Variants in MAST4 observed in about 807,000 individuals in gnomAD.
MAST4 encodes microtubule associated serine/threonine kinase family member 4.
Under a neutral mutation model 162.7 loss-of-function variants are expected in MAST4, and 89 were observed. The observed-to-expected ratio is 0.55, with a 90% confidence interval of 0.46 to 0.65. The LOEUF (loss-of-function observed/expected upper bound fraction) is 0.65. Ranked by LOEUF, MAST4 falls within the 30% of genes least tolerant of loss-of-function variation. MAST4 has a pLI of 0.00. For missense variants in MAST4, 3,153 were observed against 3,374.0 expected (o/e 0.93, Z 1.62); for synonymous variants, 1,479 against 1,361.1 (o/e 1.09, Z -1.91).
chr5:66,903,393 TA>T (rs1473088198), intron 4 of MAST4, among the ~76,000 whole-genome samples: 6 of 152,138 alleles, frequency 3.9e-5, no homozygotes, highest in African/African-American at 1.4e-4. Flanking sequence ...TGTAGATTTT[TA>T]AGTAATTTGA....
chr5:66,770,068 A>G (rs957024147), intron 2 of MAST4, among the ~76,000 whole-genome samples: 3 of 152,256 alleles, frequency 2.0e-5, no homozygotes, highest in African/African-American at 7.2e-5. Flanking sequence ...TGTGTAGTTC[A>G]TCAGTAATAG....
intron 4 of MAST4, among the ~76,000 whole-genome samples, chr5:66,938,714 G>A (rs1183124758): frequency 1.3e-5 from 2 of 152,126 alleles, no homozygotes; most frequent in Non-Finnish European, 2.9e-5. Flanking sequence ...CCCTCTTGTA[G>A]AAAATAACAT....
chr5:66,647,451 T>TA (rs1745917009), intron 1 of MAST4, among the ~76,000 whole-genome samples: 2 of 151,806 alleles, frequency 1.3e-5, no homozygotes, highest in Middle Eastern at 3.2e-3. Flanking sequence ...GGGTATTGAA[T>TA]AAAAAATCAA....
intron 3 of MAST4, among the ~76,000 whole-genome samples, chr5:66,856,560 C>T (rs574639719): frequency 5.6e-4 from 86 of 152,346 alleles, no homozygotes; most frequent in Admixed American, 1.1e-3. Flanking sequence ...ATTGCCCTCA[C>T]ATGTGCCAGT....
At chr5:66,935,442 T>C (rs979131405) in intron 4 of MAST4, among the ~76,000 whole-genome samples, 1 of 152,052 alleles carries the variant, frequency 6.6e-6, no homozygotes, top group Non-Finnish European at 1.5e-5. Flanking sequence ...AATCTGACCT[T>C]TTGCCCTTTT....
intron 3 of MAST4, among the ~76,000 whole-genome samples, chr5:66,794,795 C>T (rs1010631547): frequency 1.3e-5 from 2 of 152,238 alleles, no homozygotes; most frequent in East Asian, 1.9e-4. Flanking sequence ...CTTTTGACAT[C>T]GTATACGTTT....
chr5:66,784,358 C>A (rs1561328543), intron 2 of MAST4, among the ~76,000 whole-genome samples: 3 of 152,086 alleles, frequency 2.0e-5, no homozygotes, highest in African/African-American at 7.3e-5. Context: ...TACCTATCAG[C>A]CAGCTTTATC....
chr5:66,976,896 CT>C (rs1169172796), intron 4 of MAST4, among the ~76,000 whole-genome samples: 5 of 152,114 alleles, frequency 3.3e-5, no homozygotes, highest in Non-Finnish European at 7.4e-5. Context: ...CCACTGACCC[CT>C]ATTCTCAACT....
intron 3 of MAST4, among the ~76,000 whole-genome samples, chr5:66,850,826 G>A (rs958671109): frequency 6.6e-6 from 1 of 151,706 alleles, no homozygotes; most frequent in African/African-American, 2.4e-5. Context: ...TTGCCTAACA[G>A]AAATTACTCC....
chr5:66,772,441 A>T (rs565603854), intron 2 of MAST4, among the ~76,000 whole-genome samples: 59 of 152,300 alleles, frequency 3.9e-4, no homozygotes, highest in South Asian at 1.0e-3. Context: ...GGCCAGTGAC[A>T]TCTTATTTCA....
intron 4 of MAST4, among the ~76,000 whole-genome samples, chr5:66,953,733 G>A (rs970921809): frequency 6.6e-6 from 1 of 152,110 alleles, no homozygotes; most frequent in Non-Finnish European, 1.5e-5. Flanking sequence ...GATGCCGAGG[G>A]TCCTGCAGAA....
intron 1 of MAST4, among the ~76,000 whole-genome samples, chr5:66,698,800 C>T (rs1309478608): frequency 6.6e-6 from 1 of 152,174 alleles, no homozygotes; most frequent in Middle Eastern, 3.2e-3. Context: ...TCTTCATTCC[C>T]CTAGTGTTCT....
At position 66,917,131 on chromosome 5, in the gene MAST4, C is replaced by T. The variant is rs1424031260; in HGVS notation, c.674+17149C>T. ...TTCTCACCAGCACTGGATGTCACTGCCCTTAATTCTTTCCAATCTTATTAC... is the reference window on the plus strand; with the variant it reads ...TTCTCACCAGCACTGGATGTCACTGTCCTTAATTCTTTCCAATCTTATTAC... On this transcript the variant is annotated intron_variant, in intron 4 of 28. Coordinates refer to ENST00000403625, the MANE Select transcript of MAST4 (RefSeq NM_001164664.2). 7 of 658,430 alleles carry T rather than the reference C, an allele frequency of 1.1e-5. No homozygotes were observed. In the East Asian group the frequency reaches 1.9e-4, roughly 18 times the overall value. 40.8% of individuals were successfully genotyped at this position (658,430 alleles called of 1,614,324 possible).
chr5:67,143,850 T>G (rs1770716225), intron 21 of MAST4, among the ~76,000 whole-genome samples: 1 of 152,160 alleles, frequency 6.6e-6, no homozygotes, highest in South Asian at 2.1e-4. Context: ...GGGTATTTCA[T>G]TTTCCCACCA....
chr5:66,813,944 G>A (rs1756594843), intron 3 of MAST4, among the ~76,000 whole-genome samples: 1 of 152,202 alleles, frequency 6.6e-6, no homozygotes, highest in Non-Finnish European at 1.5e-5. Context: ...ATGAGATAGT[G>A]TGATAAGGTC....
intron 4 of MAST4, among the ~76,000 whole-genome samples, chr5:66,922,701 A>G (rs1580887277): frequency 2.0e-5 from 3 of 152,352 alleles, no homozygotes; most frequent in South Asian, 4.1e-4. Flanking sequence ...GAAAACTTCA[A>G]AAGTGAAGCT....
intron 10 of MAST4, among the ~76,000 whole-genome samples, chr5:67,108,865 G>A (rs1397059169): frequency 6.6e-6 from 1 of 152,082 alleles, no homozygotes; most frequent in Non-Finnish European, 1.5e-5. Context: ...GATTGTAAAT[G>A]TTTATTACTG....
chr5:67,049,032 T>C (rs1757779420), intron 4 of MAST4, among the ~76,000 whole-genome samples: 1 of 115,232 alleles, frequency 8.7e-6, no homozygotes, highest in African/African-American at 3.6e-5. Flanking sequence ...CGTATATATA[T>C]ATATATATAC....
chr5:67,009,191 A>G (rs1752385965), intron 4 of MAST4, among the ~76,000 whole-genome samples: 3 of 111,234 alleles, frequency 2.7e-5, no homozygotes, highest in Non-Finnish European at 6.6e-5. Context: ...TATAAGCCAT[A>G]GGAGCTCACA....
Sources: gnomAD v4.1 joint callset for allele counts (sites outside exome capture counted in the v4.1 genomes callset) on GRCh38, gnomAD v4.1.1 for gene constraint, MANE v1.5 for transcripts, NCBI Gene and HGNC (gene_info 2026-07-23, HGNC 2026-07-21) for gene names.